The following SCARA3 variants were observed in gnomAD, a reference collection of about 807,000 sequenced individuals.
The protein encoded by SCARA3 is cellular stress response gene protein.
Under a neutral mutation model 47.0 loss-of-function variants are expected in SCARA3, and 39 were observed. The observed-to-expected ratio is 0.83, with a 90% CI of 0.64 to 1.08. The LOEUF (loss-of-function observed/expected upper bound fraction) is 1.08. Among genes scored for constraint, SCARA3 ranks in the 50% least tolerant of loss-of-function variants. The pLI, the probability that SCARA3 is intolerant of heterozygous loss-of-function variation, is 0.00. For missense variants in SCARA3, 724 were observed against 792.3 expected, an observed-to-expected ratio of 0.91 and a Z score of 1.04; for synonymous variants, 356 against 334.1, an observed-to-expected ratio of 1.07 and a Z score of -0.71.
intron 4 of SCARA3, 66 bp downstream of exon 4, chr8:27,656,946 C>T (rs1265084460): frequency 1.3e-5 from 13 of 1,001,542 alleles, no homozygotes; most frequent in East Asian, 7.2e-5. Context: ...GCCCTCCCCA[C>T]GCTACAGTGC....
Position 27,668,933 on chromosome 8 carries a change from T to C in SCARA3, c.1370-1967T>C, listed in dbSNP as rs917224852. On this transcript the variant is annotated intron_variant, in intron 5 of 5. Transcript: ENST00000301904. ...GATGGTGGCATAGAAAGGAATGGAG[T>C]TCCAGAAGAAGGTGAGAGGGCCCCA... 1.3e-5 allele frequency among the ~76,000 whole-genome samples: 2 copies of C among 151,528 alleles called. 1 individual carries two copies. The highest frequency in any genetic ancestry group is 4.9e-5 in the African/African-American group (2 of 41,216).
intron 5 of SCARA3, among the ~76,000 whole-genome samples, chr8:27,666,547 C>T (rs1315062180): frequency 6.6e-6 from 1 of 152,222 alleles, no homozygotes; most frequent in African/African-American, 2.4e-5. Flanking sequence ...TCTCATGGAG[C>T]AGAGGGGAGC....
intron 5 of SCARA3, among the ~76,000 whole-genome samples, chr8:27,666,810 C>T (rs1802026352): frequency 6.6e-6 from 1 of 152,158 alleles, no homozygotes. Context: ...GGGCACTCTG[C>T]TCACCCCACC....
chr8:27,705,119 C>T, the SCARA3 span, among the ~76,000 whole-genome samples: 1 of 152,194 alleles, frequency 6.6e-6, no homozygotes, highest in Non-Finnish European at 1.5e-5. Context: ...CCCTGCATCC[C>T]CCATCAAAAC....
chr8:27,726,888 C>A, the SCARA3 span, among the ~76,000 whole-genome samples: 1 of 151,830 alleles, frequency 6.6e-6, no homozygotes, highest in Non-Finnish European at 1.5e-5. Flanking sequence ...CAGGTTCAAG[C>A]AATTCTCCTG....
At chr8:27,722,361 C>G in the SCARA3 span, among the ~76,000 whole-genome samples, 2 of 152,094 alleles carry the variant, frequency 1.3e-5, no homozygotes, top group Admixed American at 1.3e-4. Flanking sequence ...ACACAGGCAG[C>G]CTTGCCCACA....
chr8:27,703,932 T>C, the SCARA3 span: 1 of 143,804 alleles, frequency 7.0e-6, no homozygotes, highest in African/African-American at 2.6e-5. Context: ...AGAGTTTTGA[T>C]GAAATGATAC....
the SCARA3 span, among the ~76,000 whole-genome samples, chr8:27,716,210 G>A: frequency 6.6e-6 from 1 of 152,166 alleles, no homozygotes; most frequent in Non-Finnish European, 1.5e-5. Flanking sequence ...CTACTTGGGA[G>A]GCTGAGGCGG....
At chr8:27,652,116 T>C (rs1054080167) in intron 3 of SCARA3, among the ~76,000 whole-genome samples, 9 of 152,312 alleles carry the variant, frequency 5.9e-5, no homozygotes, top group Admixed American at 1.3e-4. Context: ...CAATTTCACC[T>C]CCAGTATTTG....
chr8:27,682,614 A>G, the SCARA3 span, among the ~76,000 whole-genome samples: 2 of 152,132 alleles, frequency 1.3e-5, no homozygotes, highest in East Asian at 1.9e-4. Context: ...AATATGTAAC[A>G]TGTGTAAAGA....
the SCARA3 span, among the ~76,000 whole-genome samples, chr8:27,720,961 CA>C: frequency 1.3e-5 from 2 of 152,092 alleles, no homozygotes; most frequent in African/African-American, 4.8e-5. Flanking sequence ...CCTATTTATC[CA>C]TCCATCCATC....
the SCARA3 span, among the ~76,000 whole-genome samples, chr8:27,686,154 A>G: frequency 6.6e-6 from 1 of 152,168 alleles, no homozygotes; most frequent in Admixed American, 6.5e-5. Flanking sequence ...TTAAGAAATT[A>G]TTGTTGCTGG....
At chr8:27,683,336 C>T in the SCARA3 span, among the ~76,000 whole-genome samples, 157 of 152,194 alleles carry the variant, frequency 1.0e-3, no homozygotes, top group African/African-American at 3.4e-3. Flanking sequence ...GAGAAATGTT[C>T]TATATCTTGA....
the SCARA3 span, among the ~76,000 whole-genome samples, chr8:27,693,751 T>G: frequency 1.3e-5 from 2 of 152,184 alleles, no homozygotes; most frequent in Non-Finnish European, 2.9e-5. Flanking sequence ...ACCTGGAGGC[T>G]TGATCTGCAT....
chr8:27,720,023 G>A, the SCARA3 span, among the ~76,000 whole-genome samples: 89 of 152,278 alleles, frequency 5.8e-4, 1 homozygote, highest in Non-Finnish European at 1.2e-4. Context: ...TGAAGATGTT[G>A]GAGCTAAGTC....
the SCARA3 span, among the ~76,000 whole-genome samples, chr8:27,699,810 C>T: frequency 1.3e-5 from 2 of 152,066 alleles, no homozygotes; most frequent in Non-Finnish European, 2.9e-5. Context: ...AAAAGACTTA[C>T]TCTAAAGCAG....
rs554308725 is a variant in SCARA3, at chr8:27,635,854, C to T, written c.7+1647C>T. Among the ~76,000 whole-genome samples the T allele has an allele frequency of 5.3e-4, 80 of 152,322 alleles. 2 individuals carry two copies. The highest frequency in any genetic ancestry group is 2.9e-3 in the South Asian group (14 of 4,816). ...GGCCCCACAAATTATGTAGCTGGTC[C>T]TGTGGACAGAAGTGAGTTGTTACAA... On this transcript the variant is annotated intron_variant, in intron 1 of 5. Coordinates refer to ENST00000301904, the MANE Select transcript of SCARA3 (RefSeq NM_016240.3).
the SCARA3 span, among the ~76,000 whole-genome samples, chr8:27,689,417 A>T: frequency 6.6e-6 from 1 of 152,090 alleles, no homozygotes; most frequent in African/African-American, 2.4e-5. Context: ...GAAAAGCATG[A>T]TTATCCTGAG....
chr8:27,725,529 C>CA, the SCARA3 span, among the ~76,000 whole-genome samples: 7,728 of 141,514 alleles, frequency 0.055, 322 homozygotes, highest in African/African-American at 0.11. Flanking sequence ...CTGCCCCCTC[C>CA]AAAAAAAAAA....
Sources: gnomAD v4.1 joint callset for allele counts (sites outside exome capture counted in the v4.1 genomes callset) on GRCh38, gnomAD v4.1.1 for gene constraint, MANE v1.5 for transcripts, NCBI Gene and HGNC (gene_info 2026-07-23, HGNC 2026-07-21) for gene names.